The following CNTN4 variants were observed in gnomAD, a reference collection of about 807,000 sequenced individuals.
CNTN4 encodes contactin 4.
In CNTN4, 77 loss-of-function variants were observed where a neutral mutation model predicts 122.5. That is an observed-to-expected ratio of 0.63 (90% CI 0.52 to 0.76). CNTN4 has a LOEUF of 0.76. Among genes scored for constraint, CNTN4 ranks in the 30% least tolerant of loss-of-function variants. CNTN4 has a pLI of 0.00. For missense variants in CNTN4, 1,256 were observed against 1,259.1 expected, an observed-to-expected ratio of 1.00 and a Z score of 0.04; for synonymous variants, 512 against 447.0, an observed-to-expected ratio of 1.15 and a Z score of -1.83.
intron 12 of CNTN4, among the ~76,000 whole-genome samples, chr3:2,904,699 T>C (rs2094210609): frequency 6.6e-6 from 1 of 152,246 alleles, no homozygotes; most frequent in African/African-American, 2.4e-5. Context: ...CTGAGTCTTT[T>C]GGAGTACAGT....
intron 2 of CNTN4, among the ~76,000 whole-genome samples, chr3:2,245,692 C>A (rs2040117795): frequency 6.6e-6 from 1 of 151,888 alleles, no homozygotes; most frequent in East Asian, 1.9e-4. Context: ...TACGTATTTT[C>A]TTTTGTAGAC....
intron 4 of CNTN4, among the ~76,000 whole-genome samples, chr3:2,583,243 T>C (rs771827226): frequency 9.9e-5 from 15 of 152,206 alleles, no homozygotes; most frequent in Non-Finnish European, 2.1e-4. Flanking sequence ...ACATAACAAC[T>C]CATTGCAGCA....
intron 2 of CNTN4, among the ~76,000 whole-genome samples, chr3:2,259,915 T>C (rs1009436734): frequency 1.6e-5 from 2 of 128,904 alleles, no homozygotes; most frequent in African/African-American, 7.2e-5. Flanking sequence ...ATTCCCACTC[T>C]TCTTTGTTGT....
At chr3:2,531,507 A>C (rs1266278899) in intron 3 of CNTN4, among the ~76,000 whole-genome samples, 1 of 152,168 alleles carries the variant, frequency 6.6e-6, no homozygotes, top group Non-Finnish European at 1.5e-5. Flanking sequence ...CTAGCTTGTT[A>C]ACATTTAATA....
chr3:2,193,750 A>G (rs1197969132), intron 2 of CNTN4, among the ~76,000 whole-genome samples: 1 of 152,196 alleles, frequency 6.6e-6, no homozygotes, highest in Non-Finnish European at 1.5e-5. Context: ...CCATAAGATT[A>G]TAATACTGTA....
intron 2 of CNTN4, among the ~76,000 whole-genome samples, chr3:2,298,434 CAGAAAAT>C (rs1417187518): frequency 2.0e-5 from 3 of 152,124 alleles, no homozygotes; most frequent in Non-Finnish European, 2.9e-5. Context: ...CTTGAATTTT[CAGAAAAT>C]AGTTTCCCAA....
chr3:2,869,230 T>C (rs2093758129), intron 8 of CNTN4, among the ~76,000 whole-genome samples: 1 of 152,142 alleles, frequency 6.6e-6, no homozygotes, highest in Non-Finnish European at 1.5e-5. Context: ...GCTTAGCTGC[T>C]ATGTGGAAAA....
intron 3 of CNTN4, among the ~76,000 whole-genome samples, chr3:2,547,157 A>G (rs2078278764): frequency 6.6e-6 from 1 of 152,160 alleles, no homozygotes; most frequent in Non-Finnish European, 1.5e-5. Context: ...CTGGAAGAAC[A>G]TGGTATAGAT....
At chr3:2,855,409 G>A (rs2150717222) in intron 7 of CNTN4, among the ~76,000 whole-genome samples, 1 of 152,290 alleles carries the variant, frequency 6.6e-6, no homozygotes, top group South Asian at 2.1e-4. Context: ...TCTCTCCAAT[G>A]GAACTAATCC....
chr3:2,294,249 G>A (rs944524885), intron 2 of CNTN4, among the ~76,000 whole-genome samples: 7 of 150,644 alleles, frequency 4.6e-5, no homozygotes, highest in East Asian at 2.0e-4. Context: ...GTCAGGAGCT[G>A]CCAAGTTACA....
At chr3:2,203,713 G>T (rs1227501173) in intron 2 of CNTN4, among the ~76,000 whole-genome samples, 1 of 152,116 alleles carries the variant, frequency 6.6e-6, no homozygotes, top group Admixed American at 6.6e-5. Flanking sequence ...AGAAAAAAGA[G>T]AAAAAGCTAG....
chr3:2,122,080 G>A (rs1210530034), intron 2 of CNTN4, among the ~76,000 whole-genome samples: 4 of 151,816 alleles, frequency 2.6e-5, no homozygotes, highest in Non-Finnish European at 4.4e-5. Context: ...GCGGGAACCC[G>A]GGAGGCGGAG....
At chr3:2,901,593 G>C (rs933870788) in intron 11 of CNTN4, among the ~76,000 whole-genome samples, 8 of 152,156 alleles carry the variant, frequency 5.3e-5, no homozygotes, top group African/African-American at 1.9e-4. Flanking sequence ...CTAGGTACTG[G>C]TATTTTCCTT....
intron 7 of CNTN4, among the ~76,000 whole-genome samples, chr3:2,849,321 C>A (rs1223547890): frequency 6.6e-6 from 1 of 152,186 alleles, no homozygotes; most frequent in Admixed American, 6.5e-5. Flanking sequence ...TGAAAAAGTT[C>A]TAGACATGAA....
chr3:2,671,841 G>A (rs1159736328), intron 4 of CNTN4, among the ~76,000 whole-genome samples: 4 of 152,194 alleles, frequency 2.6e-5, no homozygotes, highest in Admixed American at 1.3e-4. Context: ...CTGCAGGTCT[G>A]TTGGAGTTTG....
At chr3:3,033,182 GA>G (rs1282914688) in intron 16 of CNTN4, among the ~76,000 whole-genome samples, 2 of 152,108 alleles carry the variant, frequency 1.3e-5, no homozygotes, top group Admixed American at 6.6e-5. Flanking sequence ...GAAAACTAGT[GA>G]AAAAAATTAT....
intron 2 of CNTN4, among the ~76,000 whole-genome samples, chr3:2,310,607 C>T (rs985896036): frequency 1.3e-5 from 2 of 152,072 alleles, no homozygotes; most frequent in East Asian, 1.9e-4. Context: ...TAATGTTTGA[C>T]CTAAAACCTA....
intron 6 of CNTN4, among the ~76,000 whole-genome samples, chr3:2,784,657 C>T (rs2091739443): frequency 6.6e-6 from 1 of 152,144 alleles, no homozygotes; most frequent in Non-Finnish European, 1.5e-5. Context: ...GCATTACAGT[C>T]ACCTAGAAAA....
intron 4 of CNTN4, among the ~76,000 whole-genome samples, chr3:2,623,246 A>G (rs2082059186): frequency 2.3e-5 from 3 of 132,570 alleles, no homozygotes; most frequent in Non-Finnish European, 1.6e-5. Flanking sequence ...TTTTTTTTTC[A>G]TTTTTATTCT....
Sources: allele counts gnomAD v4.1 joint callset (sites outside exome capture counted in the v4.1 genomes callset), GRCh38; gene constraint gnomAD v4.1.1; transcripts MANE v1.5; gene names NCBI Gene and HGNC (gene_info 2026-07-23, HGNC 2026-07-21).